The following SRGAP2B variants were observed in gnomAD, a reference collection of about 807,000 sequenced individuals.
SRGAP2B encodes SLIT-ROBO Rho GTPase-activating protein 2B.
Under a neutral mutation model 22.2 loss-of-function variants are expected in SRGAP2B, and 9 were observed. The ratio of observed to expected loss-of-function variants is 0.41; its 90% CI spans 0.24 to 0.71. The LOEUF (loss-of-function observed/expected upper bound fraction) is 0.71. Among genes scored for constraint, SRGAP2B ranks in the 30% least tolerant of loss-of-function variants. The probability of loss-of-function intolerance (pLI) is 0.35; values close to 1 mark genes in which losing one functional copy is unlikely to be tolerated. For synonymous variants in SRGAP2B, 36 were observed against 87.4 expected (o/e 0.41, Z 3.28); for missense variants, 114 against 235.8 (o/e 0.48, Z 3.38).
intron 2 of SRGAP2B, among the ~76,000 whole-genome samples, chr1:145,039,394 G>A (rs1471239256): frequency 4.8e-5 from 5 of 103,912 alleles, no homozygotes; most frequent in African/African-American, 1.4e-4. Context: ...AGGATCACTC[G>A]AGCCCAGAAG....
intron 2 of SRGAP2B, among the ~76,000 whole-genome samples, chr1:145,002,674 T>C (rs1553620174): frequency 6.6e-6 from 1 of 150,756 alleles, no homozygotes; most frequent in African/African-American, 2.5e-5. Flanking sequence ...TTCTGAAGTA[T>C]GAAGTTCCCT....
intron 4 of SRGAP2B, among the ~76,000 whole-genome samples, chr1:144,934,426 A>AT (rs1665472840): frequency 6.8e-6 from 1 of 147,144 alleles, no homozygotes; most frequent in Non-Finnish European, 1.5e-5. Flanking sequence ...AAAAAAAAAA[A>AT]GAGCAACCCA....
At chr1:145,021,631 T>C (rs1471848969) in intron 2 of SRGAP2B, among the ~76,000 whole-genome samples, 6 of 136,416 alleles carry the variant, frequency 4.4e-5, no homozygotes, top group African/African-American at 1.8e-4. Flanking sequence ...CTGAACAACA[T>C]GGAGAAATCT....
At chr1:144,925,773 AAG>A (rs1664671119) in intron 4 of SRGAP2B, among the ~76,000 whole-genome samples, 1 of 144,244 alleles carries the variant, frequency 6.9e-6, no homozygotes, top group Non-Finnish European at 1.5e-5. Context: ...GAAAGAAAGA[AAG>A]AAAGAAAGAA....
intron 3 of SRGAP2B, among the ~76,000 whole-genome samples, chr1:144,975,696 TC>T (rs1161303137): frequency 1.3e-5 from 2 of 148,898 alleles, no homozygotes; most frequent in East Asian, 3.9e-4. Flanking sequence ...TTACCTGGAC[TC>T]AGGTATTCTG....
intron 2 of SRGAP2B, among the ~76,000 whole-genome samples, chr1:145,020,749 C>T (rs1302209574): frequency 6.7e-6 from 1 of 149,700 alleles, no homozygotes; most frequent in Non-Finnish European, 1.5e-5. Flanking sequence ...ATAAGTATAT[C>T]TTCACCTACT....
chr1:145,090,048 A>C lies in SRGAP2B; in HGVS notation c.67+2787T>G, dbSNP rs1293257361. 2.2e-4 allele frequency among the ~76,000 whole-genome samples: 32 copies of C among 146,686 alleles called. 1 individual carries two copies. The highest frequency in any genetic ancestry group is 8.8e-4 in the African/African-American group (32 of 36,554). On this transcript the variant is annotated intron_variant, in intron 2 of 9. Coordinates refer to ENST00000612199, the Ensembl canonical transcript of SRGAP2B. The stretch of plus-strand genomic sequence containing the variant: ...ACTTTGACTCTAAAAATTGCACTTA[A>C]CAACCAAACCAAACTGCATAGCTGT...
At chr1:144,970,464 A>G (rs1553613058) in intron 3 of SRGAP2B, among the ~76,000 whole-genome samples, 1 of 117,290 alleles carries the variant, frequency 8.5e-6, no homozygotes. Flanking sequence ...ACATGGACAC[A>G]GGAAGGGGAA....
chr1:144,889,251 G>C (rs1662082633), exon 10 of SRGAP2B: 1 of 148,626 alleles, frequency 6.7e-6, no homozygotes, highest in Admixed American at 6.6e-5. Flanking sequence ...TGCCATATCT[G>C]GCCTATTTAT....
intron 2 of SRGAP2B, among the ~76,000 whole-genome samples, chr1:145,065,337 G>T (rs1651378111): frequency 6.6e-6 from 1 of 150,614 alleles, no homozygotes; most frequent in Non-Finnish European, 1.5e-5. Context: ...TTTCTAAGGA[G>T]ATCGAGACTG....
chr1:145,015,603 A>G (rs1571014535), intron 2 of SRGAP2B, among the ~76,000 whole-genome samples: 2 of 150,296 alleles, frequency 1.3e-5, no homozygotes, highest in African/African-American at 2.5e-5. Context: ...GGGCTCAGCA[A>G]GAGGCTCGCA....
rs587695961 is a variant in SRGAP2B at position 145,093,764 on chromosome 1, C to G, written c.-542-321G>C. On this transcript the variant is annotated intron_variant, in intron 1 of 9. Coordinates refer to ENST00000612199, the Ensembl canonical transcript of SRGAP2B. Reference sequence around the variant, plus strand: ...CGCCAGCGCTGGGCAGCGGCCAGCCCGAGGGAGCCCTCCCGACCTAGCCCC... The same window carrying G: ...CGCCAGCGCTGGGCAGCGGCCAGCCGGAGGGAGCCCTCCCGACCTAGCCCC... Among the ~76,000 whole-genome samples the G allele has an allele frequency of 9.8e-4, 146 of 148,548 alleles. 4 individuals carry two copies. The highest frequency in any genetic ancestry group is 3.4e-3 in the Middle Eastern group (1 of 290).
chr1:144,991,144 A>G (rs1670183489), intron 3 of SRGAP2B, among the ~76,000 whole-genome samples: 1 of 151,132 alleles, frequency 6.6e-6, no homozygotes, highest in African/African-American at 2.5e-5. Flanking sequence ...AAGTCTTTAT[A>G]TGTAGCTCAG....
At chr1:144,915,474 C>T (rs1247072311) in intron 4 of SRGAP2B, among the ~76,000 whole-genome samples, 5 of 150,512 alleles carry the variant, frequency 3.3e-5, no homozygotes, top group Non-Finnish European at 7.4e-5. Flanking sequence ...ACCTGTAATC[C>T]CAGCACTTTG....
intron 4 of SRGAP2B, among the ~76,000 whole-genome samples, chr1:144,943,082 T>G: frequency 1.5e-5 from 2 of 129,856 alleles, no homozygotes; most frequent in Non-Finnish European, 3.2e-5. Context: ...TAGAACCAAC[T>G]TCCAATTTAC....
Position 144,921,367 on chromosome 1 carries a change from A to G in SRGAP2B, c.424-6613T>C, listed in dbSNP as rs1340641480. ...TTTGGGTTTGTCTTTCTAAGTTACTAATGGATATTTCAGGTTATAATGATC... is the reference window on the plus strand; with the variant it reads ...TTTGGGTTTGTCTTTCTAAGTTACTGATGGATATTTCAGGTTATAATGATC... On this transcript the variant is annotated intron_variant, in intron 4 of 9. Transcript: ENST00000612199. Among the ~76,000 whole-genome samples, 56 of 148,082 alleles carry G rather than the reference A, an allele frequency of 3.8e-4. 2 individuals carry two copies. Among genetic ancestry groups the G allele is most frequent in the African/African-American group, 1.4e-3 (54 of 38,834 alleles).
chr1:144,967,161 T>C (rs1379815431), intron 3 of SRGAP2B, among the ~76,000 whole-genome samples: 1 of 100,900 alleles, frequency 9.9e-6, no homozygotes, highest in Non-Finnish European at 1.9e-5. Context: ...TCTACAGAAC[T>C]CTCCACCCCA....
intron 4 of SRGAP2B, among the ~76,000 whole-genome samples, chr1:144,940,798 C>CAA: frequency 7.5e-6 from 1 of 134,044 alleles, no homozygotes; most frequent in African/African-American, 3.0e-5. Context: ...AACTCCATCT[C>CAA]CAAAAAAAAA....
chr1:145,084,937 T>A, intron 2 of SRGAP2B, among the ~76,000 whole-genome samples: 1 of 151,222 alleles, frequency 6.6e-6, no homozygotes, highest in Non-Finnish European at 1.5e-5. Flanking sequence ...GATCTATTTT[T>A]TCATTTGCTT....
Sources: allele counts gnomAD v4.1 joint callset (sites outside exome capture counted in the v4.1 genomes callset), GRCh38; gene constraint gnomAD v4.1.1; transcripts MANE v1.5; gene names NCBI Gene and HGNC (gene_info 2026-07-23, HGNC 2026-07-21).